The following MACROD2 variants were observed in gnomAD, a reference collection of about 807,000 sequenced individuals.
MACROD2 encodes mono-ADP ribosylhydrolase 2.
Under a neutral mutation model 70.4 loss-of-function variants are expected in MACROD2, and 36 were observed. That is an observed-to-expected ratio of 0.51 (90% CI 0.39 to 0.68). MACROD2 has a LOEUF of 0.68. MACROD2 is among the 30% of genes least tolerant of loss of function. The probability of loss-of-function intolerance (pLI) is 0.00; values close to 1 mark genes in which losing one functional copy is unlikely to be tolerated. For synonymous variants in MACROD2, 172 were observed against 178.8 expected (o/e 0.96, Z 0.30); for missense variants, 496 against 538.4 (o/e 0.92, Z 0.78).
intron 8 of MACROD2, among the ~76,000 whole-genome samples, chr20:15,636,851 G>A (rs2039137222): frequency 1.3e-5 from 2 of 152,048 alleles, no homozygotes; most frequent in African/African-American, 4.8e-5. Flanking sequence ...AGGAGGGGAT[G>A]AGCTGTCACA....
chr20:14,128,666 A>C (rs2054681484), intron 3 of MACROD2, among the ~76,000 whole-genome samples: 1 of 152,212 alleles, frequency 6.6e-6, no homozygotes, highest in African/African-American at 2.4e-5. Flanking sequence ...AGAGAGAAGA[A>C]ATCAATGCTT....
intron 4 of MACROD2, among the ~76,000 whole-genome samples, chr20:14,544,459 T>C (rs2085468553): frequency 6.6e-6 from 1 of 152,078 alleles, no homozygotes; most frequent in South Asian, 2.1e-4. Flanking sequence ...GCATGGGTAA[T>C]ATAGCTATAT....
intron 6 of MACROD2, among the ~76,000 whole-genome samples, chr20:15,246,516 T>A (rs1601294702): frequency 6.6e-6 from 1 of 152,230 alleles, no homozygotes. Flanking sequence ...TTATTTTTTT[T>A]TATTAGTGAA....
chr20:15,413,502 T>A (rs1319660784), intron 6 of MACROD2, among the ~76,000 whole-genome samples: 1 of 152,160 alleles, frequency 6.6e-6, no homozygotes, highest in African/African-American at 2.4e-5. Flanking sequence ...GAGGTAGAGA[T>A]AGTAGAGGAG....
At chr20:15,800,792 G>A (rs2063717558) in intron 8 of MACROD2, among the ~76,000 whole-genome samples, 1 of 152,004 alleles carries the variant, frequency 6.6e-6, no homozygotes, top group African/African-American at 2.4e-5. Context: ...TGGTTGCTGT[G>A]TCTGTGTAGA....
chr20:15,616,561 C>T (rs919125482), intron 8 of MACROD2, among the ~76,000 whole-genome samples: 2 of 152,174 alleles, frequency 1.3e-5, no homozygotes, highest in East Asian at 3.9e-4. Context: ...AGGCCTGTTA[C>T]TCTGGTAAAC....
chr20:15,712,252 A>G (rs373764313), intron 8 of MACROD2, among the ~76,000 whole-genome samples: 13 of 152,324 alleles, frequency 8.5e-5, no homozygotes, highest in East Asian at 3.9e-4. Context: ...CAACTGCTCA[A>G]CTCTGTGTTG....
At chr20:15,864,159 A>C (rs2064461316) in intron 9 of MACROD2, among the ~76,000 whole-genome samples, 1 of 151,972 alleles carries the variant, frequency 6.6e-6, no homozygotes, top group South Asian at 2.1e-4. Flanking sequence ...CATAACAGCT[A>C]TTTAATAATT....
chr20:15,288,863 G>GTCTATCTATCTATCTA (rs1172385837), intron 6 of MACROD2, among the ~76,000 whole-genome samples: 61 of 132,388 alleles, frequency 4.6e-4, no homozygotes, highest in Non-Finnish European at 6.6e-4. Flanking sequence ...ATGTCTGTCT[G>GTCTATCTATCTATCTA]TCTGTCTATC....
At chr20:14,774,907 T>C (rs557402389) in intron 5 of MACROD2, among the ~76,000 whole-genome samples, 1 of 152,232 alleles carries the variant, frequency 6.6e-6, no homozygotes, top group East Asian at 1.9e-4. Context: ...TTCACAGTTA[T>C]TCTTTTCTGT....
intron 8 of MACROD2, among the ~76,000 whole-genome samples, chr20:15,853,620 T>G (rs1348831558): frequency 2.6e-5 from 4 of 152,100 alleles, no homozygotes; most frequent in Admixed American, 6.6e-5. Flanking sequence ...TGAGCTGTCC[T>G]CCAGCTGTCA....
At chr20:14,539,827 T>C (rs1430623312) in intron 4 of MACROD2, among the ~76,000 whole-genome samples, 1 of 152,232 alleles carries the variant, frequency 6.6e-6, no homozygotes, top group South Asian at 2.1e-4. Flanking sequence ...TAACAAATTC[T>C]GATAAAGATG....
chr20:15,412,395 C>A (rs1467147590), intron 6 of MACROD2, among the ~76,000 whole-genome samples: 1 of 152,218 alleles, frequency 6.6e-6, no homozygotes, highest in African/African-American at 2.4e-5. Flanking sequence ...TGCCTTTTGA[C>A]TATGCCATCT....
At chr20:14,173,352 G>A (rs1174222112) in intron 3 of MACROD2, among the ~76,000 whole-genome samples, 1 of 151,998 alleles carries the variant, frequency 6.6e-6, no homozygotes, top group Non-Finnish European at 1.5e-5. Context: ...GAATTAATTC[G>A]AAAGCCCTCT....
chr20:14,357,970 T>C (rs2083188651), intron 3 of MACROD2, among the ~76,000 whole-genome samples: 1 of 152,220 alleles, frequency 6.6e-6, no homozygotes, highest in Non-Finnish European at 1.5e-5. Flanking sequence ...TGTCTTATTC[T>C]GAAAGATGCC....
intron 5 of MACROD2, among the ~76,000 whole-genome samples, chr20:14,979,658 G>GA (rs1555859432): frequency 6.6e-6 from 1 of 152,068 alleles, no homozygotes; most frequent in Non-Finnish European, 1.5e-5. Flanking sequence ...TTGATCACAA[G>GA]TTTTTTTTAC....
chr20:15,021,304 A>ACCTGTGTG, intron 5 of MACROD2, among the ~76,000 whole-genome samples: 2 of 103,150 alleles, frequency 1.9e-5, no homozygotes, highest in African/African-American at 3.7e-5. Context: ...GTATATGCAC[A>ACCTGTGTG]TATACATATA....
chr20:15,610,447 G>A (rs2048951356), intron 8 of MACROD2, among the ~76,000 whole-genome samples: 3 of 152,128 alleles, frequency 2.0e-5, no homozygotes, highest in Admixed American at 2.0e-4. Flanking sequence ...TTGTGGCTGT[G>A]TAACTCCCAT....
At chr20:15,043,302 G>A (rs1353533656) in intron 5 of MACROD2, among the ~76,000 whole-genome samples, 1 of 152,220 alleles carries the variant, frequency 6.6e-6, no homozygotes, top group Non-Finnish European at 1.5e-5. Flanking sequence ...CTGTAACTCA[G>A]TGCCTGCATT....
Sources: allele counts gnomAD v4.1 joint callset (sites outside exome capture counted in the v4.1 genomes callset), GRCh38; gene constraint gnomAD v4.1.1; transcripts MANE v1.5; gene names NCBI Gene and HGNC (gene_info 2026-07-23, HGNC 2026-07-21).